ESCO1: variants seen among roughly 807,000 people sequenced by gnomAD.
ESCO1 encodes N-acetyltransferase ESCO1.
In ESCO1, 33 loss-of-function variants were observed where a neutral mutation model predicts 83.5. The observed-to-expected ratio is 0.40, with a 90% confidence interval of 0.30 to 0.53. ESCO1 has a LOEUF of 0.53. ESCO1 is among the 20% of genes least tolerant of loss of function. The pLI, the probability that ESCO1 is intolerant of heterozygous loss-of-function variation, is 0.63. For missense variants in ESCO1, 855 were observed against 968.0 expected, an observed-to-expected ratio of 0.88 and a Z score of 1.55; for synonymous variants, 332 against 324.3, an observed-to-expected ratio of 1.02 and a Z score of -0.25.
At chr18:21,571,811 A>G (rs1329704011) in intron 4 of ESCO1, among the ~76,000 whole-genome samples, 1 of 152,184 alleles carries the variant, frequency 6.6e-6, no homozygotes, top group Non-Finnish European at 1.5e-5. Flanking sequence ...ACTACAACTC[A>G]CTACTTATTT....
At chr18:21,583,202 A>G (rs1382265946) in intron 2 of ESCO1, among the ~76,000 whole-genome samples, 1 of 152,046 alleles carries the variant, frequency 6.6e-6, no homozygotes, top group African/African-American at 2.4e-5. Flanking sequence ...CAAAAAAATC[A>G]ACAGAAACAA....
intron 10 of ESCO1, among the ~76,000 whole-genome samples, chr18:21,535,163 A>G (rs1281392448): frequency 6.6e-6 from 1 of 151,990 alleles, no homozygotes; most frequent in Non-Finnish European, 1.5e-5. Flanking sequence ...TGAGAAAGAC[A>G]TTACATTGGT....
chr18:21,581,499 T>C (rs558566735), intron 2 of ESCO1, among the ~76,000 whole-genome samples: 11 of 151,624 alleles, frequency 7.3e-5, no homozygotes, highest in African/African-American at 2.2e-4. Flanking sequence ...TAATGCCAGA[T>C]ACTTGTGAGG....
intron 1 of ESCO1, among the ~76,000 whole-genome samples, chr18:21,590,490 G>A (rs1322069865): frequency 6.6e-6 from 1 of 151,878 alleles, no homozygotes; most frequent in East Asian, 1.9e-4. Context: ...AAAGTGCTGG[G>A]AATACAGGCA....
intron 8 of ESCO1, among the ~76,000 whole-genome samples, chr18:21,549,220 C>G (rs1285399652): frequency 6.6e-6 from 1 of 152,132 alleles, no homozygotes; most frequent in Admixed American, 6.5e-5. Flanking sequence ...TCCATCTCAC[C>G]CAACATTCCT....
chr18:21,577,356 T>TC (rs35602269), intron 2 of ESCO1, among the ~76,000 whole-genome samples: 1 of 21,870 alleles, frequency 4.6e-5, no homozygotes, highest in Non-Finnish European at 2.1e-4. Flanking sequence ...AGACTCCATC[T>TC]TTTTTAAAAA....
At chr18:21,538,979 GATTC>G (rs969441075) in intron 9 of ESCO1, among the ~76,000 whole-genome samples, 2 of 151,452 alleles carry the variant, frequency 1.3e-5, no homozygotes, top group African/African-American at 2.4e-5. Context: ...ATGGTTCCAG[GATTC>G]ATTATCTGGT....
At chr18:21,597,569 TAATA>T (rs2038784606) in intron 1 of ESCO1, among the ~76,000 whole-genome samples, 1 of 151,962 alleles carries the variant, frequency 6.6e-6, no homozygotes, top group African/African-American at 2.4e-5. Context: ...TCAAATGAAT[TAATA>T]TATATGAAAT....
chr18:21,567,876 TAAA>T (rs1313659879), intron 5 of ESCO1, 101 bp downstream of exon 5: 1 of 773,624 alleles, frequency 1.3e-6, no homozygotes, highest in Non-Finnish European at 2.0e-6. Context: ...CAGCAATGGT[TAAA>T]AAGAATTTAA....
chr18:21,582,521 C>A (rs1272152152), intron 2 of ESCO1, among the ~76,000 whole-genome samples: 2 of 152,088 alleles, frequency 1.3e-5, no homozygotes, highest in Admixed American at 1.3e-4. Context: ...ATTACCATGT[C>A]CAGCCAGGAA....
intron 8 of ESCO1, among the ~76,000 whole-genome samples, chr18:21,555,141 T>C (rs1237473522): frequency 6.6e-6 from 1 of 152,014 alleles, no homozygotes; most frequent in Non-Finnish European, 1.5e-5. Context: ...TAAGTGCATA[T>C]TACTAAGTGA....
chr18:21,566,565 T>C (rs1161179881), intron 5 of ESCO1, among the ~76,000 whole-genome samples: 2 of 152,180 alleles, frequency 1.3e-5, no homozygotes, highest in African/African-American at 4.8e-5. Context: ...TTTAAAAAAA[T>C]AAAAATAAAA....
At chr18:21,584,050 T>C (rs1158567600) in intron 2 of ESCO1, among the ~76,000 whole-genome samples, 1 of 152,210 alleles carries the variant, frequency 6.6e-6, no homozygotes, top group East Asian at 1.9e-4. Flanking sequence ...ATGCCTTTTA[T>C]GCATAAAATA....
intron 10 of ESCO1, 29 bp from the exon 11 acceptor site, chr18:21,532,689 T>G (rs1435055480): frequency 6.3e-7 from 1 of 1,597,784 alleles, no homozygotes; most frequent in East Asian, 2.2e-5. Flanking sequence ...GGGAAAAAAT[T>G]TAAGTGAGAT....
intron 2 of ESCO1, among the ~76,000 whole-genome samples, chr18:21,581,568 G>A (rs1001584616): frequency 4.0e-5 from 6 of 148,466 alleles, no homozygotes; most frequent in South Asian, 2.2e-4. Context: ...GTGAGATGGC[G>A]CCATTGCACT....
intron 1 of ESCO1, among the ~76,000 whole-genome samples, chr18:21,597,588 T>C (rs992085227): frequency 6.6e-6 from 1 of 152,080 alleles, no homozygotes; most frequent in African/African-American, 2.4e-5. Context: ...TGAAATTAAT[T>C]CCTAATACAG....
rs142849185 is a variant in ESCO1 at position 21,543,340 on chromosome 18, T to C, written c.1954-3331A>G. On this transcript the variant is annotated intron_variant, in intron 8 of 11. Coordinates refer to ENST00000269214, the MANE Select transcript of ESCO1 (RefSeq NM_052911.3). ...GAGCTGATTTTTTTTGTATTTTTAG[T>C]AGAAACAGGGTTTCTCCATGTTGGT... is the stretch of plus-strand genomic sequence containing the variant. Among the ~76,000 whole-genome samples, 400 of 152,274 alleles carry C rather than the reference T, an allele frequency of 2.6e-3. 1 individual carries two copies. The highest frequency in any genetic ancestry group is 9.3e-3 in the African/African-American group (385 of 41,552).
chr18:21,551,069 G>A (rs1321396136), intron 8 of ESCO1, among the ~76,000 whole-genome samples: 1 of 145,750 alleles, frequency 6.9e-6, no homozygotes, highest in Non-Finnish European at 1.5e-5. Flanking sequence ...CCGAGATCAC[G>A]CCACTGCACT....
At chr18:21,549,196 A>G (rs2038013185) in intron 8 of ESCO1, among the ~76,000 whole-genome samples, 1 of 152,096 alleles carries the variant, frequency 6.6e-6, no homozygotes, top group African/African-American at 2.4e-5. Context: ...AAACCCCAAA[A>G]TGCCATTTGA....
Sources: allele counts gnomAD v4.1 joint callset (sites outside exome capture counted in the v4.1 genomes callset), GRCh38; gene constraint gnomAD v4.1.1; transcripts MANE v1.5; gene names NCBI Gene and HGNC (gene_info 2026-07-23, HGNC 2026-07-21).